FRMPD4: variants seen among roughly 807,000 people sequenced by gnomAD.
The protein encoded by FRMPD4 is FERM and PDZ domain-containing protein 4.
FRMPD4 carries 22 observed loss-of-function variants against 94.1 expected under a neutral mutation model. The ratio of observed to expected loss-of-function variants is 0.23; its 90% CI spans 0.17 to 0.33. The LOEUF (loss-of-function observed/expected upper bound fraction) is 0.33, where lower values mean the gene tolerates loss of function less well. Among genes scored for constraint, FRMPD4 ranks in the 10% least tolerant of loss-of-function variants. FRMPD4 has a pLI of 1.00. For synonymous variants in FRMPD4, 631 were observed against 548.6 expected (o/e 1.15, Z -2.10); for missense variants, 1,111 against 1,339.9 (o/e 0.83, Z 2.67).
rs58342798 is a variant in FRMPD4, at chrX:12,494,331, A to G, written c.42-4349A>G. On this transcript the variant is annotated intron_variant, in intron 1 of 16. Coordinates refer to ENST00000675598, the MANE Select transcript of FRMPD4 (RefSeq NM_001368397.1). ...TCCTCCCCTCAGTTGTGACCACCAA[A>G]AATCTCTAGATATTGCTAAGTGTCC... is the stretch of plus-strand genomic sequence containing the variant. Among the ~76,000 whole-genome samples, 1,092 of 111,853 alleles carry G rather than the reference A, an allele frequency of 9.8e-3. 14 individuals carry two copies. Among genetic ancestry groups the G allele is most frequent in the African/African-American group, 0.034 (1,054 of 30,735 alleles).
chrX:12,583,672 T>C, intron 2 of FRMPD4: 1 of 363,872 alleles, frequency 2.7e-6, no homozygotes, highest in Non-Finnish European at 4.9e-6. Flanking sequence ...CCCGCCGCCC[T>C]GTCTGCGGTC....
At chrX:12,077,443 T>C (rs950526470) in intron 3 of FRMPD4, among the ~76,000 whole-genome samples, 1 of 111,925 alleles carries the variant, frequency 8.9e-6, no homozygotes, top group Non-Finnish European at 1.9e-5. Flanking sequence ...GTGTGGGGCT[T>C]TGAGCTGGAA....
intron 1 of FRMPD4, among the ~76,000 whole-genome samples, chrX:12,389,453 T>A (rs2056446505): frequency 9.6e-6 from 1 of 103,718 alleles, no homozygotes; most frequent in Admixed American, 1.0e-4. Context: ...CCAGCCTGGG[T>A]GACAGAAAGA....
intron 1 of FRMPD4, among the ~76,000 whole-genome samples, chrX:12,263,947 T>C (rs1463224946): frequency 9.0e-6 from 1 of 111,403 alleles, no homozygotes; most frequent in Non-Finnish European, 1.9e-5. Flanking sequence ...GCAAGCCCTT[T>C]TATAATCAAC....
intron 1 of FRMPD4, among the ~76,000 whole-genome samples, chrX:12,456,624 A>G (rs2057336522): frequency 8.9e-6 from 1 of 112,401 alleles, no homozygotes; most frequent in South Asian, 3.7e-4. Flanking sequence ...TTAAATAAGA[A>G]TTACTCTTTA....
intron 3 of FRMPD4, among the ~76,000 whole-genome samples, chrX:12,000,169 A>G (rs2147404651): frequency 8.9e-6 from 1 of 111,854 alleles, no homozygotes; most frequent in South Asian, 3.7e-4. Context: ...CTCTTTTACC[A>G]TCTCTGTTCT....
chrX:12,382,327 G>A (rs986101600), intron 1 of FRMPD4, among the ~76,000 whole-genome samples: 3 of 111,256 alleles, frequency 2.7e-5, no homozygotes, highest in Non-Finnish European at 5.7e-5. Context: ...AAGGATCGCC[G>A]GGCAGAGGGG....
chrX:12,388,191 T>C (rs1228793329), intron 1 of FRMPD4, among the ~76,000 whole-genome samples: 2 of 111,819 alleles, frequency 1.8e-5, no homozygotes, highest in Non-Finnish European at 3.8e-5. Flanking sequence ...GGTCTATACA[T>C]ATGTAAAAAC....
At chrX:12,554,336 G>A (rs1163782584) in intron 2 of FRMPD4, among the ~76,000 whole-genome samples, 2 of 111,280 alleles carry the variant, frequency 1.8e-5, no homozygotes, top group Non-Finnish European at 3.8e-5. Context: ...ATGCATTCAG[G>A]AGCTACTGAA....
At chrX:12,394,875 C>T (rs369399331) in intron 1 of FRMPD4, among the ~76,000 whole-genome samples, 3 of 111,331 alleles carry the variant, frequency 2.7e-5, no homozygotes, top group Admixed American at 9.6e-5. Flanking sequence ...ATTCAGGGGA[C>T]GGGGTAGGTA....
At chrX:12,068,407 C>T (rs1410595102) in intron 3 of FRMPD4, among the ~76,000 whole-genome samples, 1 of 111,593 alleles carries the variant, frequency 9.0e-6, no homozygotes, top group Non-Finnish European at 1.9e-5. Flanking sequence ...CTACTTTTCT[C>T]TGATTATAAT....
intron 4 of FRMPD4, among the ~76,000 whole-genome samples, chrX:12,641,791 C>T (rs1260107240): frequency 1.8e-5 from 2 of 112,416 alleles, no homozygotes; most frequent in Admixed American, 9.4e-5. Flanking sequence ...ATATTTAACT[C>T]GGATTATAAA....
chrX:12,716,434 G>A lies in FRMPD4; in HGVS notation c.1975G>A (p.Ala659Thr), dbSNP rs760858730. Residue 659 changes from alanine to threonine, a missense_variant, in exon 15 of 17, where the codon GCC (alanine) becomes ACC (threonine). Ala to Thr is a moderately conservative substitution (Grantham distance 58, BLOSUM62 0). Around this residue, in one of 8 missense-constraint regions of FRMPD4, gnomAD observed 192 missense variants for 192.5 expected, o/e 1.00. Coordinates refer to ENST00000675598, the MANE Select transcript of FRMPD4 (RefSeq NM_001368397.1). ...AGTGTCCTTTATTTTTGGAGACTTC[G>A]CCTTGGATGATGGTATTAGTCCCCC... ...AKVSFIFGDF[A>T]LDDGISPPTL... 27 of 1,206,739 alleles carry A rather than the reference G, an allele frequency of 2.2e-5. No homozygotes were observed. The highest frequency in any genetic ancestry group is 4.6e-4 in the Middle Eastern group (2 of 4,372).
intron 3 of FRMPD4, among the ~76,000 whole-genome samples, chrX:12,077,679 A>G (rs183165804): frequency 4.1e-3 from 460 of 111,270 alleles, no homozygotes; most frequent in African/African-American, 0.014. Context: ...TTTTCTATAC[A>G]TAGTTCTCTT....
At chrX:12,299,577 A>G (rs1244842006) in intron 1 of FRMPD4, among the ~76,000 whole-genome samples, 1 of 110,617 alleles carries the variant, frequency 9.0e-6, no homozygotes, top group Non-Finnish European at 1.9e-5. Context: ...ACAAAAAAAA[A>G]AAAAAGTAAA....
intron 3 of FRMPD4, among the ~76,000 whole-genome samples, chrX:11,985,273 G>A (rs1025272270): frequency 3.6e-5 from 4 of 111,728 alleles, no homozygotes; most frequent in Non-Finnish European, 5.6e-5. Flanking sequence ...CTAGTTCCTG[G>A]ACAACATTTC....
chrX:12,110,268 G>T (rs1260025348), intron 3 of FRMPD4, among the ~76,000 whole-genome samples: 2 of 111,802 alleles, frequency 1.8e-5, no homozygotes, highest in Admixed American at 9.5e-5. Flanking sequence ...GTTCAACATA[G>T]GCAAATCAAT....
intron 2 of FRMPD4, among the ~76,000 whole-genome samples, chrX:12,566,640 T>C (rs1002861517): frequency 8.9e-6 from 1 of 112,254 alleles, no homozygotes; most frequent in African/African-American, 3.2e-5. Flanking sequence ...CTGTCTTAAA[T>C]TTCTAAAACT....
chrX:11,879,733 G>T (rs1400982466), intron 3 of FRMPD4, among the ~76,000 whole-genome samples: 4 of 111,911 alleles, frequency 3.6e-5, no homozygotes, highest in African/African-American at 1.3e-4. Context: ...GCTTAGGTCT[G>T]CAGTGGAGAA....
Sources: allele counts gnomAD v4.1 joint callset (sites outside exome capture counted in the v4.1 genomes callset), GRCh38; gene constraint gnomAD v4.1.1; regional missense constraint gnomAD v4.1.1; transcripts MANE v1.5; gene names NCBI Gene and HGNC (gene_info 2026-07-23, HGNC 2026-07-21).